Variants in ITGA1 observed in about 807,000 individuals in gnomAD.
ITGA1 encodes the protein integrin alpha-1.
In ITGA1, 85 loss-of-function variants were observed where a neutral mutation model predicts 145.9. That is an observed-to-expected ratio of 0.58 (90% CI 0.49 to 0.70). ITGA1 has a LOEUF of 0.70. Ranked by LOEUF, ITGA1 falls within the 30% of genes least tolerant of loss-of-function variation. The pLI is 0.00. For synonymous variants in ITGA1, 520 were observed against 495.3 expected, an observed-to-expected ratio of 1.05 and a Z score of -0.66; for missense variants, 1,351 against 1,418.7, an observed-to-expected ratio of 0.95 and a Z score of 0.77.
At position 52,811,639 on chromosome 5, in the gene ITGA1, G is replaced by T. The variant is rs545936779; in HGVS notation, c.61+23225G>T. On this transcript the variant is annotated intron_variant, in intron 1 of 28. Transcript: ENST00000282588. ...GGGACTTTAAACTTGAATATAGGGTGGTAGGACAATTGTTTGAACCACTCT... is the reference window on the plus strand; with the variant it reads ...GGGACTTTAAACTTGAATATAGGGTTGTAGGACAATTGTTTGAACCACTCT... Among the ~76,000 whole-genome samples the T allele has an allele frequency of 1.4e-4, 21 of 152,176 alleles. No homozygotes were observed. The East Asian group carries it at 3.9e-3, about 28-fold the overall frequency.
chr5:52,918,973 G>T, intron 16 of ITGA1, 75 bp downstream of exon 16: 1 of 1,255,784 alleles, frequency 8.0e-7, no homozygotes, highest in East Asian at 2.5e-5. Flanking sequence ...AAGTCCAGTA[G>T]GATATTGTAT....
intron 12 of ITGA1, among the ~76,000 whole-genome samples, chr5:52,907,966 G>A (rs953271291): frequency 3.3e-5 from 5 of 152,234 alleles, no homozygotes; most frequent in African/African-American, 1.2e-4. Context: ...GTCTAGGACT[G>A]TAGAACTGAA....
At chr5:52,860,033 C>A (rs1749573901) in intron 2 of ITGA1, among the ~76,000 whole-genome samples, 1 of 152,182 alleles carries the variant, frequency 6.6e-6, no homozygotes. Flanking sequence ...CCACATCCTG[C>A]ACTGATATAA....
At chr5:52,877,105 T>C (rs1480980380) in intron 6 of ITGA1, among the ~76,000 whole-genome samples, 1 of 152,218 alleles carries the variant, frequency 6.6e-6, no homozygotes, top group African/African-American at 2.4e-5. Context: ...TTTTATCTAT[T>C]TTTAAAAAAT....
intron 1 of ITGA1, among the ~76,000 whole-genome samples, chr5:52,846,957 A>T (rs922332936): frequency 2.0e-5 from 3 of 152,116 alleles, no homozygotes; most frequent in Non-Finnish European, 4.4e-5. Flanking sequence ...TTCCTTCAAC[A>T]TGTTATCTGT....
rs1389379304 is a variant in ITGA1 at position 52,865,041 on chromosome 5, G to A, written c.455G>A (p.Ser152Asn). The change falls in exon 5 of 29, where the codon AGC becomes AAC. Residue 152 changes from serine to asparagine, a missense_variant. By Grantham distance (46) the Ser-to-Asn change is conservative (BLOSUM62 1). Coordinates refer to ENST00000282588, the MANE Select transcript of ITGA1 (RefSeq NM_181501.2). ...HYTTGICSDV[S>N]PTFQVVNSIA... Reference sequence around the variant, plus strand: ...ACAACTGGAATCTGTTCTGACGTCAGCCCCACATTTCAAGTCGTGAATTCC... The same window carrying A: ...ACAACTGGAATCTGTTCTGACGTCAACCCCACATTTCAAGTCGTGAATTCC... 1 of 1,613,666 alleles carries A rather than the reference G, an allele frequency of 6.2e-7. No homozygotes were observed. Among genetic ancestry groups the A allele is most frequent in the Non-Finnish European group, 8.5e-7 (1 of 1,179,816 alleles).
At position 52,910,242 on chromosome 5, in the gene ITGA1, A is replaced by C; in HGVS notation, c.1680A>C (p.Thr560=). 1 of 1,614,030 alleles carries C rather than the reference A, an allele frequency of 6.2e-7. No individual in the cohort carries two copies. Among genetic ancestry groups the C allele is most frequent in the Non-Finnish European group, 8.5e-7 (1 of 1,179,944 alleles). Residue 560 remains threonine, a synonymous_variant, in exon 14 of 29, where the codon ACA becomes ACC. Transcript: ENST00000282588. ...CTCGGCAGCACAATTCATGCACAAC[A>C]GAAAACAAAAATGAGCCATGCGGGG... The part of the protein sequence containing the change: ...CSSRQHNSCT[T]ENKNEPCGAR...
At chr5:52,836,128 G>C (rs1035205915) in intron 1 of ITGA1, among the ~76,000 whole-genome samples, 1 of 152,136 alleles carries the variant, frequency 6.6e-6, no homozygotes, top group Non-Finnish European at 1.5e-5. Flanking sequence ...CCAGTAGAAA[G>C]TCAGTAAGTG....
chr5:52,864,890 T>C (rs754198835), intron 4 of ITGA1, 39 bp downstream of exon 4: 1 of 1,539,972 alleles, frequency 6.5e-7, no homozygotes, highest in African/African-American at 1.4e-5. Flanking sequence ...ACAACAGATA[T>C]GCTATCATTT....
chr5:52,869,135 T>C (rs1289503724), intron 6 of ITGA1, among the ~76,000 whole-genome samples: 2 of 152,180 alleles, frequency 1.3e-5, no homozygotes, highest in African/African-American at 4.8e-5. Flanking sequence ...CTGCATTATA[T>C]ATAAGCAACC....
At position 52,953,607 on chromosome 5, in the gene ITGA1, A is replaced by G. The variant is rs1345000292; in HGVS notation, c.*1156A>G. 1 of 152,212 alleles carries G rather than the reference A, an allele frequency of 6.6e-6. No individual in the cohort carries two copies. Among genetic ancestry groups the G allele is most frequent in the Non-Finnish European group, 1.5e-5 (1 of 68,030 alleles). 9.4% of individuals were successfully genotyped at this position (152,212 alleles called of 1,614,324 possible). A position where few individuals can be genotyped will look rare whatever the true frequency, so the allele number is the denominator to read the frequency against. On this transcript the variant is annotated 3_prime_UTR_variant, in exon 29 of 29. Coordinates refer to ENST00000282588, the MANE Select transcript of ITGA1 (RefSeq NM_181501.2). ...TATTTAAATAAAATCCCAGAAATGT[A>G]TTTTAAAGAATTTCAGGTTTGAAAA...
At chr5:52,936,922 C>T (rs1270052350) in intron 23 of ITGA1, among the ~76,000 whole-genome samples, 1 of 151,934 alleles carries the variant, frequency 6.6e-6, no homozygotes, top group Non-Finnish European at 1.5e-5. Flanking sequence ...GGTGGCAGAT[C>T]CCATCTAGCC....
chr5:52,937,475 T>G lies in ITGA1; in HGVS notation c.3039T>G (p.Gly1013=). The change falls in exon 24 of 29, where the codon GGT becomes GGG. Residue 1013 remains glycine, a synonymous_variant. Coordinates refer to ENST00000282588, the MANE Select transcript of ITGA1 (RefSeq NM_181501.2). ...SISFPNMTSN[G]YPVLYPTGLS... ...CATTCCCCAATATGACATCAAATGG[T>G]TACCCTGTGCTGTACCCAACTGGAT... 6.2e-7 allele frequency: 1 copy of G among 1,613,196 alleles called. No individual in the cohort carries two copies. The highest frequency in any genetic ancestry group is 8.5e-7 in the Non-Finnish European group (1 of 1,179,166).
At chr5:52,912,225 A>G (rs575349257) in intron 14 of ITGA1, among the ~76,000 whole-genome samples, 2 of 144,498 alleles carry the variant, frequency 1.4e-5, no homozygotes, top group African/African-American at 5.0e-5. Context: ...TGATATATAT[A>G]CTGTATCTAG....
intron 14 of ITGA1, among the ~76,000 whole-genome samples, chr5:52,914,607 A>AG (rs1750614602): frequency 6.6e-6 from 1 of 151,496 alleles, no homozygotes; most frequent in African/African-American, 2.4e-5. Context: ...CAAAAAAAAA[A>AG]AGGGGGGGAA....
intron 24 of ITGA1, among the ~76,000 whole-genome samples, chr5:52,938,237 AC>A (rs1399101167): frequency 6.6e-6 from 1 of 152,192 alleles, no homozygotes; most frequent in African/African-American, 2.4e-5. Context: ...CTAAGCATGC[AC>A]AGCTGCAAAC....
chr5:52,907,582 C>T (rs1421489625), intron 12 of ITGA1, among the ~76,000 whole-genome samples: 2 of 152,190 alleles, frequency 1.3e-5, no homozygotes, highest in African/African-American at 4.8e-5. Flanking sequence ...ATGTCAACAC[C>T]TCAAGCAATT....
intron 3 of ITGA1, chr5:52,863,987 T>A (rs1249047523): frequency 6.6e-6 from 1 of 152,216 alleles, no homozygotes; most frequent in Non-Finnish European, 1.5e-5. Context: ...CCACATACAG[T>A]CTTAACATGA....
Position 52,808,524 on chromosome 5 carries a change from C to T in ITGA1, c.61+20110C>T, listed in dbSNP as rs773768015. ...ATTGACTAGAACTTTTTGTTTGACA[C>T]CATTGTGAAAAATTGCTCTGTGGAT... On this transcript the variant is annotated intron_variant, in intron 1 of 28. Transcript: ENST00000282588. Among the ~76,000 whole-genome samples, 13 of 152,090 alleles carry T rather than the reference C, an allele frequency of 8.5e-5. 1 individual carries two copies. The highest frequency in any genetic ancestry group is 1.8e-4 in the Non-Finnish European group (12 of 68,016).
Sources: allele counts gnomAD v4.1 joint callset (sites outside exome capture counted in the v4.1 genomes callset), GRCh38; gene constraint gnomAD v4.1.1; transcripts MANE v1.5; gene names NCBI Gene and HGNC (gene_info 2026-07-23, HGNC 2026-07-21).